The following PTPRD variants were observed in gnomAD, a reference collection of about 807,000 sequenced individuals.
PTPRD encodes receptor-type tyrosine-protein phosphatase delta.
A neutral mutation model predicts 214.5 loss-of-function variants in PTPRD; 34 were observed. The observed-to-expected ratio is 0.16, with a 90% confidence interval of 0.12 to 0.21. The LOEUF (loss-of-function observed/expected upper bound fraction) is 0.21. PTPRD is among the 10% of genes least tolerant of loss of function. PTPRD has a pLI of 1.00. For missense variants in PTPRD, 2,545 were observed against 2,398.7 expected (o/e 1.06, Z -1.27); for synonymous variants, 1,128 against 845.7 (o/e 1.33, Z -5.79).
rs543055116 is a variant in PTPRD, at chr9:10,039,740, CT to C, written c.-544-5951del. On this transcript the variant is annotated intron_variant, in intron 3 of 45. Transcript: ENST00000381196. ...TCTAAGACTTTTTTTTATTATTCTGCTTTAACCCCTTCTGATTGAGATATAT... is the reference window on the plus strand; with the variant it reads ...TCTAAGACTTTTTTTTATTATTCTGCTTAACCCCTTCTGATTGAGATATAT... Among the ~76,000 whole-genome samples, 374 of 151,498 alleles carry C rather than the reference CT, an allele frequency of 2.5e-3. 1 individual carries two copies. Among genetic ancestry groups the C allele is most frequent in the Non-Finnish European group, 4.3e-3 (294 of 67,840 alleles).
Position 8,748,397 on chromosome 9 carries a change from G to T in PTPRD, c.-103-14451C>A, listed in dbSNP as rs541111301. 3.3e-5 allele frequency among the ~76,000 whole-genome samples: 5 copies of T among 151,884 alleles called. No individual in the cohort carries two copies. The East Asian group carries it at 9.7e-4, about 29-fold the overall frequency. ...CATCTATTGCCTGAGAGCACAGCAG[G>T]AGGGACAAGGATCAGGATATAAACC... On this transcript the variant is annotated intron_variant, in intron 11 of 45. Coordinates refer to ENST00000381196, the MANE Select transcript of PTPRD (RefSeq NM_002839.4).
At chr9:8,511,010 C>T (rs897233981) in intron 21 of PTPRD, among the ~76,000 whole-genome samples, 1 of 151,870 alleles carries the variant, frequency 6.6e-6, no homozygotes, top group Admixed American at 6.6e-5. Flanking sequence ...TGTTTTCTCT[C>T]TATATATGTA....
chr9:9,222,071 G>C (rs566598468), intron 9 of PTPRD, among the ~76,000 whole-genome samples: 5 of 152,170 alleles, frequency 3.3e-5, no homozygotes, highest in Admixed American at 1.3e-4. Flanking sequence ...TCCACAACTA[G>C]AACTGCCAAA....
intron 11 of PTPRD, among the ~76,000 whole-genome samples, chr9:8,901,782 A>G (rs925878362): frequency 1.3e-5 from 2 of 152,150 alleles, no homozygotes; most frequent in African/African-American, 4.8e-5. Flanking sequence ...TCTAGATCTC[A>G]TTGCTGTCCT....
chr9:8,375,274 G>T (rs1032513123), intron 39 of PTPRD, among the ~76,000 whole-genome samples: 1 of 151,796 alleles, frequency 6.6e-6, no homozygotes, highest in Non-Finnish European at 1.5e-5. Flanking sequence ...TATATATATC[G>T]CAATCTGAGT....
chr9:10,355,922 G>A (rs547503185), intron 2 of PTPRD, among the ~76,000 whole-genome samples: 20 of 152,242 alleles, frequency 1.3e-4, no homozygotes, highest in African/African-American at 4.8e-4. Flanking sequence ...TAATGATTGT[G>A]TCTACTAAGT....
intron 2 of PTPRD, among the ~76,000 whole-genome samples, chr9:10,470,189 T>C (rs1275096781): frequency 6.6e-6 from 1 of 152,128 alleles, no homozygotes. Context: ...CATTTGATCA[T>C]TAAACATTAT....
chr9:9,769,425 A>C (rs920680127), intron 5 of PTPRD, among the ~76,000 whole-genome samples: 1 of 137,894 alleles, frequency 7.3e-6, no homozygotes, highest in Non-Finnish European at 1.5e-5. Flanking sequence ...TCCCGGGTTC[A>C]CACCATTCTC....
chr9:8,864,181 A>T (rs2098155685), intron 11 of PTPRD, among the ~76,000 whole-genome samples: 1 of 152,248 alleles, frequency 6.6e-6, no homozygotes. Flanking sequence ...ATCATGGGAC[A>T]TAACCTGAAA....
chr9:9,718,904 T>G (rs945865143), intron 7 of PTPRD, among the ~76,000 whole-genome samples: 1 of 152,120 alleles, frequency 6.6e-6, no homozygotes, highest in South Asian at 2.1e-4. Context: ...GGAGGGCACA[T>G]TAATGGCAGC....
intron 7 of PTPRD, among the ~76,000 whole-genome samples, chr9:9,669,341 G>C (rs147614965): frequency 1.8e-4 from 27 of 152,152 alleles, no homozygotes; most frequent in African/African-American, 6.5e-4. Context: ...GTTCCTGATT[G>C]GTATGGAATT....
Position 10,497,904 on chromosome 9 carries a change from G to C in PTPRD, c.-600+114494C>G, listed in dbSNP as rs117640386. Among the ~76,000 whole-genome samples, 1,431 of 152,010 alleles carry C rather than the reference G, an allele frequency of 9.4e-3. 11 individuals carry two copies. Among genetic ancestry groups the C allele is most frequent in the Non-Finnish European group, 0.012 (839 of 67,922 alleles). On this transcript the variant is annotated intron_variant, in intron 2 of 45. Transcript: ENST00000381196. ...CAAAATATTTAAAAATGTGATAGGA[G>C]AACTTTTATGTACCATACACTGGAT...
intron 5 of PTPRD, among the ~76,000 whole-genome samples, chr9:9,896,750 T>G (rs2075087429): frequency 6.6e-6 from 1 of 152,058 alleles, no homozygotes; most frequent in African/African-American, 2.4e-5. Flanking sequence ...ATTGAAATAT[T>G]AGCAATTATC....
At chr9:8,761,170 C>T (rs1258274910) in intron 11 of PTPRD, among the ~76,000 whole-genome samples, 1 of 152,030 alleles carries the variant, frequency 6.6e-6, no homozygotes, top group African/African-American at 2.4e-5. Context: ...AAGCCAAAAA[C>T]ATTTTACAAA....
chr9:9,891,104 T>C (rs535911008), intron 5 of PTPRD, among the ~76,000 whole-genome samples: 33 of 152,218 alleles, frequency 2.2e-4, no homozygotes, highest in Non-Finnish European at 3.8e-4. Context: ...TTGGCAACTA[T>C]TGGAATATGG....
chr9:9,896,634 G>A (rs925102353), intron 5 of PTPRD, among the ~76,000 whole-genome samples: 3 of 151,966 alleles, frequency 2.0e-5, no homozygotes, highest in African/African-American at 7.2e-5. Flanking sequence ...AATTAGATCC[G>A]AGGAATTCAT....
chr9:8,792,912 C>T (rs1443752709), intron 11 of PTPRD, among the ~76,000 whole-genome samples: 1 of 152,114 alleles, frequency 6.6e-6, no homozygotes, highest in Non-Finnish European at 1.5e-5. Context: ...ACAGCTACTT[C>T]ACATTTACAA....
chr9:9,410,751 G>A (rs2075131041), intron 8 of PTPRD, among the ~76,000 whole-genome samples: 1 of 152,164 alleles, frequency 6.6e-6, no homozygotes, highest in Non-Finnish European at 1.5e-5. Flanking sequence ...CCTAGGAGTT[G>A]AATAATGACA....
intron 9 of PTPRD, among the ~76,000 whole-genome samples, chr9:9,323,292 T>C (rs546782935): frequency 1.3e-5 from 2 of 152,206 alleles, no homozygotes; most frequent in Non-Finnish European, 2.9e-5. Context: ...TCGATAATAA[T>C]GCTTACAAAG....
Sources: gnomAD v4.1 joint callset for allele counts (sites outside exome capture counted in the v4.1 genomes callset) on GRCh38, gnomAD v4.1.1 for gene constraint, MANE v1.5 for transcripts, NCBI Gene and HGNC (gene_info 2026-07-23, HGNC 2026-07-21) for gene names.